Variants in SERPINB9 observed in about 807,000 individuals in gnomAD.
The protein encoded by SERPINB9 is serpin family B member 9, also known as serpin B9.
A neutral mutation model predicts 27.2 loss-of-function variants in SERPINB9; 20 were observed. That is an observed-to-expected ratio of 0.74 (90% confidence interval 0.52 to 1.07). The LOEUF (loss-of-function observed/expected upper bound fraction) is 1.07. Among genes scored for constraint, SERPINB9 ranks in the 50% least tolerant of loss-of-function variants. The pLI is 0.00. For synonymous variants in SERPINB9, 189 were observed against 180.0 expected, an observed-to-expected ratio of 1.05 and a Z score of -0.40; for missense variants, 476 against 460.1, an observed-to-expected ratio of 1.03 and a Z score of -0.32.
rs1174814400 is a variant in SERPINB9, at chr6:2,894,612, G to A, written c.424+779C>T. On this transcript the variant is annotated intron_variant, in intron 4 of 6. Coordinates refer to ENST00000380698, the MANE Select transcript of SERPINB9 (RefSeq NM_004155.6). The surrounding 1 kb of genome is among the most constrained non-coding windows in gnomAD (Gnocchi z 4.7). ...GAACCTAGGAAGAGGCAGCCCAAGT[G>A]TATACCTCAGGCAAGATCTGTCCAC... Among the ~76,000 whole-genome samples the A allele has an allele frequency of 6.6e-6, 1 of 152,286 alleles. No homozygotes were observed. The highest frequency in any genetic ancestry group is 6.5e-5 in the Admixed American group (1 of 15,304).
chr6:2,897,142 CA>C (rs1768028895), intron 2 of SERPINB9, among the ~76,000 whole-genome samples: 1 of 140,648 alleles, frequency 7.1e-6, no homozygotes, highest in Non-Finnish European at 1.5e-5. Flanking sequence ...AAAAAAAACA[CA>C]AAAAATCCTC....
chr6:2,900,885 TCACACACA>T (rs5742054), intron 1 of SERPINB9, among the ~76,000 whole-genome samples: 1 of 141,482 alleles, frequency 7.1e-6, no homozygotes, highest in Admixed American at 7.0e-5. Flanking sequence ...GCTCGCTCTC[TCACACACA>T]CACACACACA....
rs547309805 is a variant in SERPINB9 at position 2,888,486 on chromosome 6, T to C, written c.*1677A>G. The C allele has an allele frequency of 6.6e-6, 1 of 152,356 alleles. No individual in the cohort carries two copies. The highest frequency in any genetic ancestry group is 1.9e-4 in the East Asian group (1 of 5,190). 9.4% of individuals were successfully genotyped at this position (152,356 alleles called of 1,614,324 possible). A position where few individuals can be genotyped will look rare whatever the true frequency, so the allele number is the denominator to read the frequency against. On this transcript the variant is annotated 3_prime_UTR_variant, in exon 7 of 7. Transcript: ENST00000380698. ...AATAAATTGTGCTATAAACACATAA[T>C]ACAATTTTATTTGGCCATAAAAATG... is the stretch of plus-strand genomic sequence containing the variant.
In SERPINB9 at chr6:2,894,458, TGA is replaced by T. The variant is rs142125901; in HGVS notation, c.425-907_425-906del. Among the ~76,000 whole-genome samples the T allele has an allele frequency of 9.0e-3, 1,376 of 152,262 alleles. 16 individuals are homozygous for T. Among genetic ancestry groups the T allele is most frequent in the African/African-American group, 0.032 (1,312 of 41,568 alleles). On this transcript the variant is annotated intron_variant, in intron 4 of 6. Coordinates refer to ENST00000380698, the MANE Select transcript of SERPINB9 (RefSeq NM_004155.6). The surrounding 1 kb of genome is among the most constrained non-coding windows in gnomAD (Gnocchi z 4.7). ...TTCAGTCTGTGGAACTGATCAGCCC[TGA>T]GAGAGGGTCGGCAGTTAACCAATCA...
rs1767991602 is a variant in SERPINB9, at chr6:2,896,163, T to A, written c.196A>T (p.Ile66Phe). 3.1e-6 allele frequency: 5 copies of A among 1,614,074 alleles called. No homozygotes were observed. The highest frequency in any genetic ancestry group is 4.2e-6 in the Non-Finnish European group (5 of 1,179,984). Residue 66 changes from isoleucine (I) to phenylalanine (F), a missense_variant, in exon 3 of 7, where the codon ATT becomes TTT. Coordinates refer to ENST00000380698, the MANE Select transcript of SERPINB9 (RefSeq NM_004155.6). ...AGAAGCGACTGGAAAGCCCGATGAATGTCTTCCTCTGTGTTTAAAGACAGT... is the reference window on the plus strand; with the variant it reads ...AGAAGCGACTGGAAAGCCCGATGAAAGTCTTCCTCTGTGTTTAAAGACAGT... The part of the protein sequence containing the change: ...QALSLNTEED[I>F]HRAFQSLLTE...
Position 2,896,159 on chromosome 6 carries a change from T to C in SERPINB9, c.200A>G (p.His67Arg). ...AGTGAGAAGCGACTGGAAAGCCCGA[T>C]GAATGTCTTCCTCTGTGTTTAAAGA... ...ALSLNTEEDI[H>R]RAFQSLLTEV... The change falls in exon 3 of 7, where the codon CAT (histidine) becomes CGT (arginine). Residue 67 changes from histidine (H) to arginine (R), a missense_variant. Coordinates refer to ENST00000380698, the MANE Select transcript of SERPINB9 (RefSeq NM_004155.6). The C allele has an allele frequency of 6.2e-7, 1 of 1,614,098 alleles. No homozygotes were observed. The highest frequency in any genetic ancestry group is 1.1e-5 in the South Asian group (1 of 91,072).
chr6:2,897,149 T>G (rs1768029087), intron 2 of SERPINB9, among the ~76,000 whole-genome samples: 1 of 145,186 alleles, frequency 6.9e-6, no homozygotes, highest in Non-Finnish European at 1.5e-5. Flanking sequence ...ACACAAAAAA[T>G]CCTCTTCTAA....
Position 2,890,139 on chromosome 6 carries a change from C to T in SERPINB9, c.*24G>A, listed in dbSNP as rs769849812. The T allele has an allele frequency of 1.3e-6, 2 of 1,593,468 alleles. No individual in the cohort carries two copies. Among genetic ancestry groups the T allele is most frequent in the Non-Finnish European group, 8.6e-7 (1 of 1,167,288 alleles). ...TGGGGACACAGGAAGAGGGAAATGG[C>T]CGAGTGCACGGTAAGTGCACCCTTT... On this transcript the variant is annotated 3_prime_UTR_variant, in exon 7 of 7. Coordinates refer to ENST00000380698, the MANE Select transcript of SERPINB9 (RefSeq NM_004155.6). This position sits in a 1 kb window ranked among gnomAD's most constrained non-coding sequence, Gnocchi z 6.2.
chr6:2,901,177 GCGT>G (rs1168124837), intron 1 of SERPINB9, among the ~76,000 whole-genome samples: 3 of 152,178 alleles, frequency 2.0e-5, no homozygotes, highest in Non-Finnish European at 4.4e-5. Context: ...GCAAGTGAGT[GCGT>G]CCTGGACAGC....
intron 1 of SERPINB9, among the ~76,000 whole-genome samples, chr6:2,900,885 T>TCTCACACACACACACACACA (rs61100591): frequency 0.21 from 30,180 of 141,192 alleles, 3,480 homozygotes; most frequent in East Asian, 0.33. Flanking sequence ...GCTCGCTCTC[T>TCTCACACACACACACACACA]CACACACACA....
rs1767652132 is a variant in SERPINB9, at chr6:2,887,929, T to G, written c.*2234A>C. On this transcript the variant is annotated 3_prime_UTR_variant, in exon 7 of 7. Coordinates refer to ENST00000380698, the MANE Select transcript of SERPINB9 (RefSeq NM_004155.6). ...CCACTTGGCCCTTTTCTAAGTGTAC[T>G]TCACTTTGTTTTCATTCCTCCTCTA... 6.6e-6 allele frequency: 1 copy of G among 152,008 alleles called. No homozygotes were observed. Among genetic ancestry groups the G allele is most frequent in the South Asian group, 2.1e-4 (1 of 4,816 alleles). 9.4% of individuals were successfully genotyped at this position (152,008 alleles called of 1,614,324 possible). A position where few individuals can be genotyped will look rare whatever the true frequency, so the allele number is the denominator to read the frequency against.
chr6:2,899,888 A>G (rs560695841), intron 2 of SERPINB9: 51 of 456,124 alleles, frequency 1.1e-4, no homozygotes, highest in African/African-American at 9.0e-4. Flanking sequence ...GTCTGGGGAC[A>G]AGCACTGATC....
chr6:2,896,681 C>T (rs1225545644), intron 2 of SERPINB9, among the ~76,000 whole-genome samples: 4 of 152,146 alleles, frequency 2.6e-5, no homozygotes, highest in Non-Finnish European at 5.9e-5. Flanking sequence ...GTCTCAACAT[C>T]CCAATACATT....
In SERPINB9 at chr6:2,889,492, G is replaced by C. The variant is rs1245480280; in HGVS notation, c.*671C>G. ...GGGTGGATCACGAGGTCAGGAGATCGACACCATCCTGGCTAACACGGTGAA... is the reference window on the plus strand; with the variant it reads ...GGGTGGATCACGAGGTCAGGAGATCCACACCATCCTGGCTAACACGGTGAA... On this transcript the variant is annotated 3_prime_UTR_variant, in exon 7 of 7. Transcript: ENST00000380698. 1 of 151,628 alleles carries C rather than the reference G, an allele frequency of 6.6e-6. No individual in the cohort carries two copies. Among genetic ancestry groups the C allele is most frequent in the Non-Finnish European group, 1.5e-5 (1 of 67,898 alleles). The allele number at this position is 151,628 out of a possible 1,614,324, so 9.4% of individuals were successfully genotyped here.
chr6:2,900,508 A>T lies in SERPINB9; in HGVS notation c.104T>A (p.Ile35Asn), dbSNP rs898312712. ...SHNVFCSPVSISSALAMVLLG... is the reference protein window; with the variant it reads ...SHNVFCSPVSNSSALAMVLLG... ...GAGAACCATGGCCAGGGCAGAGGAGATGCTCACAGGAGAACAGAACACGTT... is the reference window on the plus strand; with the variant it reads ...GAGAACCATGGCCAGGGCAGAGGAGTTGCTCACAGGAGAACAGAACACGTT... Residue 35 changes from isoleucine to asparagine, a missense_variant, in exon 2 of 7, where the codon ATC (isoleucine) becomes AAC (asparagine). Transcript: ENST00000380698. 1 of 1,614,026 alleles carries T rather than the reference A, an allele frequency of 6.2e-7. No individual in the cohort carries two copies. Among genetic ancestry groups the T allele is most frequent in the African/African-American group, 1.3e-5 (1 of 74,888 alleles).
At chr6:2,899,569 A>G (rs1030037407) in intron 2 of SERPINB9, among the ~76,000 whole-genome samples, 2 of 152,218 alleles carry the variant, frequency 1.3e-5, no homozygotes, top group Admixed American at 1.3e-4. Context: ...GAATGTGCAC[A>G]TAGCTTGCCA....
chr6:2,891,838 T>C lies in SERPINB9; in HGVS notation c.718A>G (p.Ser240Gly). The change falls in exon 6 of 7, where the codon AGC (serine) becomes GGC (glycine). Residue 240 changes from serine (S) to glycine (G), a missense_variant. By Grantham distance (56) the Ser-to-Gly change is moderately conservative. Coordinates refer to ENST00000380698, the MANE Select transcript of SERPINB9 (RefSeq NM_004155.6). The surrounding 1 kb of genome is among the most constrained non-coding windows in gnomAD (Gnocchi z 4.0). ...VLLPDDGVEL[S>G]TVEKSLTFEK... ...TCCCGCAGCCCGGGTCTTACCGTGC[T>C]GAGCTCCACGCCGTCGTCAGGCAGC... 2.5e-6 allele frequency: 4 copies of C among 1,603,238 alleles called. No individual in the cohort carries two copies. The highest frequency in any genetic ancestry group is 3.4e-6 in the Non-Finnish European group (4 of 1,178,086).
chr6:2,902,504 G>A (rs1320947045), intron 1 of SERPINB9, among the ~76,000 whole-genome samples: 2 of 152,150 alleles, frequency 1.3e-5, no homozygotes, highest in African/African-American at 4.8e-5. Context: ...TGTTGTTGGT[G>A]GTGGTTTTTT....
Position 2,893,539 on chromosome 6 carries a change from A to G in SERPINB9, c.439T>C (p.Leu147=). The G allele has an allele frequency of 6.2e-7, 1 of 1,611,614 alleles. No homozygotes were observed. Among genetic ancestry groups the G allele is most frequent in the Non-Finnish European group, 8.5e-7 (1 of 1,178,814 alleles). Reference sequence around the variant, plus strand: ...GCATCAATTGAGCTACCCGGCAACAACTCTTCAATTTTACCTTTCAAGAAA... The same window carrying G: ...GCATCAATTGAGCTACCCGGCAACAGCTCTTCAATTTTACCTTTCAAGAAA... ...SKKTEGKIEE[L]LPGSSIDAET... The change falls in exon 5 of 7, where the codon TTG becomes CTG. Residue 147 remains leucine (L), a synonymous_variant. Coordinates refer to ENST00000380698, the MANE Select transcript of SERPINB9 (RefSeq NM_004155.6).
Sources: gnomAD v4.1 joint callset for allele counts (sites outside exome capture counted in the v4.1 genomes callset) on GRCh38, gnomAD v4.1.1 for gene constraint, Gnocchi (gnomAD v3.1) non-coding constraint, MANE v1.5 for transcripts, NCBI Gene and HGNC (gene_info 2026-07-23, HGNC 2026-07-21) for gene names.